STRN3: variants seen among roughly 807,000 people sequenced by gnomAD.
The protein encoded by STRN3 is striatin-3.
In STRN3, 29 loss-of-function variants were observed where a neutral mutation model predicts 95.6. The observed-to-expected ratio is 0.30, with a 90% CI of 0.23 to 0.41. The LOEUF (loss-of-function observed/expected upper bound fraction) is 0.41, where lower values mean the gene tolerates loss of function less well. Ranked by LOEUF, STRN3 falls within the 10% of genes least tolerant of loss-of-function variation. The probability of loss-of-function intolerance (pLI) is 1.00; values close to 1 mark genes in which losing one functional copy is unlikely to be tolerated. For missense variants in STRN3, 890 were observed against 972.1 expected (o/e 0.92, Z 1.12); for synonymous variants, 331 against 357.6 (o/e 0.93, Z 0.84).
chr14:30,911,925 A>G (rs1896621214), intron 11 of STRN3, 82 bp downstream of exon 11: 2 of 1,558,304 alleles, frequency 1.3e-6, no homozygotes, highest in Non-Finnish European at 1.7e-6. Context: ...TGTGCATTAA[A>G]GACATGCAAC....
At chr14:30,908,099 C>T (rs1416810345) in intron 13 of STRN3, among the ~76,000 whole-genome samples, 2 of 152,148 alleles carry the variant, frequency 1.3e-5, no homozygotes, top group African/African-American at 4.8e-5. Flanking sequence ...AGGAATCTGT[C>T]CTCCATCCTA....
At chr14:30,966,183 T>C (rs1379965275) in intron 1 of STRN3, among the ~76,000 whole-genome samples, 1 of 150,250 alleles carries the variant, frequency 6.7e-6, no homozygotes, top group African/African-American at 2.5e-5. Context: ...CGTCTAACCC[T>C]AGCCGACAGG....
intron 1 of STRN3, among the ~76,000 whole-genome samples, chr14:31,010,992 T>C (rs905024104): frequency 3.9e-5 from 6 of 152,192 alleles, no homozygotes; most frequent in African/African-American, 1.2e-4. Flanking sequence ...TGAGCCAAAA[T>C]TGCGCCACTG....
chr14:30,917,648 A>T (rs1896775150), intron 9 of STRN3, among the ~76,000 whole-genome samples: 1 of 152,016 alleles, frequency 6.6e-6, no homozygotes, highest in Non-Finnish European at 1.5e-5. Context: ...GATCTGAAAA[A>T]ATTAACAGAC....
rs71112354 is a variant in STRN3 at position 30,924,287 on chromosome 14, C to CTTTTTTTTTTTTTTTTTTTTTT, written c.1099+4913_1099+4914insAAAAAAAAAAAAAAAAAAAAAA. 6.5e-5 allele frequency among the ~76,000 whole-genome samples: 5 copies of CTTTTTTTTTTTTTTTTTTTTTT among 77,244 alleles called. 2 individuals carry two copies. Among genetic ancestry groups the CTTTTTTTTTTTTTTTTTTTTTT allele is most frequent in the African/African-American group, 1.1e-4 (2 of 18,668 alleles). 50.7% of individuals were successfully genotyped at this position (77,244 alleles called of 152,430 possible). A position where few individuals can be genotyped will look rare whatever the true frequency, so the allele number is the denominator to read the frequency against. The stretch of plus-strand genomic sequence containing the variant: ...AGGTACAATGGCTCATGCCTTAAAT[C>CTTTTTTTTTTTTTTTTTTTTTT]TTTTTTTTTTTTTTTTTTTTGAGAT... On this transcript the variant is annotated intron_variant, in intron 8 of 17. Coordinates refer to ENST00000357479, the MANE Select transcript of STRN3 (RefSeq NM_001083893.2).
intron 7 of STRN3, among the ~76,000 whole-genome samples, chr14:30,931,253 A>AC (rs1878522548): frequency 6.6e-6 from 1 of 152,160 alleles, no homozygotes; most frequent in South Asian, 2.1e-4. Context: ...CAGCTGTTTG[A>AC]TATTGCTTAT....
chr14:30,953,198 G>A (rs1214204972), intron 3 of STRN3, among the ~76,000 whole-genome samples: 1 of 152,066 alleles, frequency 6.6e-6, no homozygotes, highest in Non-Finnish European at 1.5e-5. Flanking sequence ...AGTACATCAA[G>A]TGTATAGCTC....
At chr14:30,984,035 A>G (rs921102592) in intron 1 of STRN3, among the ~76,000 whole-genome samples, 5 of 151,838 alleles carry the variant, frequency 3.3e-5, no homozygotes, top group African/African-American at 1.2e-4. Context: ...GGTGGCAGCA[A>G]CAACAACAAA....
intron 8 of STRN3, among the ~76,000 whole-genome samples, chr14:30,925,722 G>A (rs1897011396): frequency 1.3e-5 from 2 of 152,072 alleles, no homozygotes; most frequent in Admixed American, 1.3e-4. Context: ...TGATGAATAT[G>A]CTAACTACTC....
chr14:30,966,193 G>A (rs1051973826), intron 1 of STRN3, among the ~76,000 whole-genome samples: 2 of 150,374 alleles, frequency 1.3e-5, no homozygotes, highest in African/African-American at 5.0e-5. Context: ...TAGCCGACAG[G>A]GGAACAACAC....
At chr14:30,911,972 G>C in intron 11 of STRN3, 35 bp downstream of exon 11, 1 of 1,587,402 alleles carries the variant, frequency 6.3e-7, no homozygotes, top group Non-Finnish European at 8.5e-7. Flanking sequence ...AGCAAAATTG[G>C]AAGAAATACA....
intron 3 of STRN3, among the ~76,000 whole-genome samples, chr14:30,951,569 G>C (rs1005507333): frequency 6.6e-6 from 1 of 151,888 alleles, no homozygotes; most frequent in Non-Finnish European, 1.5e-5. Flanking sequence ...CCGCTAAGTC[G>C]ATTGCCTTTG....
chr14:30,979,634 C>G (rs1296446143), intron 1 of STRN3, among the ~76,000 whole-genome samples: 2 of 152,104 alleles, frequency 1.3e-5, no homozygotes, highest in Non-Finnish European at 2.9e-5. Context: ...GAGTCTCGCT[C>G]TGTCGCCCAG....
chr14:30,898,726 T>C (rs940697183), intron 16 of STRN3, among the ~76,000 whole-genome samples: 1 of 152,210 alleles, frequency 6.6e-6, no homozygotes, highest in Non-Finnish European at 1.5e-5. Flanking sequence ...CTCGTGCTTC[T>C]GCTAATACTC....
At chr14:30,961,326 A>G (rs1024484972) in intron 1 of STRN3, among the ~76,000 whole-genome samples, 3 of 152,236 alleles carry the variant, frequency 2.0e-5, no homozygotes, top group African/African-American at 7.2e-5. Context: ...TAAAAAAGAC[A>G]AGAGACAAAG....
chr14:30,999,680 G>C lies in STRN3; in HGVS notation c.282+26224C>G, dbSNP rs1476193026. On this transcript the variant is annotated intron_variant, in intron 1 of 17. Transcript: ENST00000357479. The stretch of plus-strand genomic sequence containing the variant: ...ATGAACAGAGCCTCAGAAACCTGTG[G>C]GACACCATTAAGTATACCAACATAT... Among the ~76,000 whole-genome samples, 4 of 152,010 alleles carry C rather than the reference G, an allele frequency of 2.6e-5. No individual in the cohort carries two copies. The East Asian group carries it at 5.8e-4, about 22-fold the overall frequency.
chr14:30,989,562 G>A (rs752939297), intron 1 of STRN3, among the ~76,000 whole-genome samples: 5 of 152,086 alleles, frequency 3.3e-5, no homozygotes, highest in Non-Finnish European at 7.4e-5. Flanking sequence ...CCAGATTCAC[G>A]CCATTCTCCT....
chr14:31,015,324 A>G (rs1215680057), intron 1 of STRN3, among the ~76,000 whole-genome samples: 2 of 151,868 alleles, frequency 1.3e-5, no homozygotes, highest in African/African-American at 2.4e-5. Context: ...TTATACACAT[A>G]AGCACAACTC....
chr14:30,997,044 G>A (rs138400106), intron 1 of STRN3, among the ~76,000 whole-genome samples: 48 of 152,194 alleles, frequency 3.2e-4, no homozygotes, highest in African/African-American at 1.1e-3. Context: ...AAAGCCAGAA[G>A]GTTCTTTGGT....
Sources: gnomAD v4.1 joint callset for allele counts (sites outside exome capture counted in the v4.1 genomes callset) on GRCh38, gnomAD v4.1.1 for gene constraint, MANE v1.5 for transcripts, NCBI Gene and HGNC (gene_info 2026-07-23, HGNC 2026-07-21) for gene names.